The following ABTB3 variants were observed in gnomAD, a reference collection of about 807,000 sequenced individuals.
The protein encoded by ABTB3 is ankyrin repeat and BTB domain containing 3.
chr12:107,614,589 G>A, the ABTB3 span, among the ~76,000 whole-genome samples: 1 of 152,120 alleles, frequency 6.6e-6, no homozygotes, highest in South Asian at 2.1e-4. Flanking sequence ...ACCACCCTCT[G>A]CTAGGTAGAA....
At chr12:107,453,781 G>A in the ABTB3 span, among the ~76,000 whole-genome samples, 1 of 152,208 alleles carries the variant, frequency 6.6e-6, no homozygotes, top group Non-Finnish European at 1.5e-5. Context: ...AAGAAGGGAT[G>A]GTGGCCTGGA....
At chr12:107,368,333 G>C in the ABTB3 span, among the ~76,000 whole-genome samples, 1 of 152,192 alleles carries the variant, frequency 6.6e-6, no homozygotes, top group African/African-American at 2.4e-5. Context: ...CCCAGAAGTG[G>C]CCAAAACAAG....
At chr12:107,532,501 C>T in the ABTB3 span, among the ~76,000 whole-genome samples, 1 of 152,186 alleles carries the variant, frequency 6.6e-6, no homozygotes, top group African/African-American at 2.4e-5. Flanking sequence ...CCAAAGAACC[C>T]TACCCGACTA....
At chr12:107,432,182 C>T in the ABTB3 span, among the ~76,000 whole-genome samples, 1 of 152,170 alleles carries the variant, frequency 6.6e-6, no homozygotes, top group African/African-American at 2.4e-5. Context: ...TGTATGACCT[C>T]CCTCCACCCA....
At chr12:107,573,946 T>C in the ABTB3 span, among the ~76,000 whole-genome samples, 1 of 152,252 alleles carries the variant, frequency 6.6e-6, no homozygotes, top group African/African-American at 2.4e-5. Context: ...TAATGTGACC[T>C]AGCCAAGTAG....
At chr12:107,617,853 C>T in the ABTB3 span, 1 of 425,864 alleles carries the variant, frequency 2.3e-6, no homozygotes, top group Admixed American at 4.0e-5. Context: ...CCAAGCAGAG[C>T]ACATTCACTT....
chr12:107,520,079 G>A, the ABTB3 span, among the ~76,000 whole-genome samples: 6 of 152,062 alleles, frequency 3.9e-5, no homozygotes, highest in South Asian at 4.2e-4. Context: ...AGCAATTTTC[G>A]GCAGAGACTA....
chr12:107,572,529 G>C, the ABTB3 span, among the ~76,000 whole-genome samples: 6 of 152,122 alleles, frequency 3.9e-5, no homozygotes, highest in African/African-American at 1.4e-4. Context: ...TGAAGATGGG[G>C]AACTAGATGG....
the ABTB3 span, among the ~76,000 whole-genome samples, chr12:107,627,996 A>T: frequency 1.3e-5 from 2 of 152,182 alleles, no homozygotes; most frequent in East Asian, 1.9e-4. Flanking sequence ...TGAGTGCTGC[A>T]CTCAGGGCCT....
the ABTB3 span, chr12:107,319,844 A>G: frequency 8.2e-7 from 1 of 1,217,514 alleles, no homozygotes; most frequent in Non-Finnish European, 1.1e-6. Context: ...CGGCGCCTGC[A>G]GCGCAGCCAG....
chr12:107,416,335 G>A, the ABTB3 span, among the ~76,000 whole-genome samples: 7 of 152,098 alleles, frequency 4.6e-5, no homozygotes, highest in East Asian at 1.9e-4. Context: ...AACTGAACTC[G>A]AATTATTTCT....
the ABTB3 span, among the ~76,000 whole-genome samples, chr12:107,580,145 G>C: frequency 6.6e-6 from 1 of 152,174 alleles, no homozygotes; most frequent in South Asian, 2.1e-4. Flanking sequence ...CCAGCAGTCC[G>C]TATTTTAACA....
At chr12:107,500,666 C>G in the ABTB3 span, among the ~76,000 whole-genome samples, 5 of 152,324 alleles carry the variant, frequency 3.3e-5, no homozygotes, top group African/African-American at 1.2e-4. Context: ...GGTCTTCCAT[C>G]TCATGGCTGC....
chr12:107,480,756 T>C, the ABTB3 span, among the ~76,000 whole-genome samples: 1 of 152,078 alleles, frequency 6.6e-6, no homozygotes, highest in African/African-American at 2.4e-5. Flanking sequence ...GGATTGGTCA[T>C]GGGAGATGGC....
chr12:107,654,832 A>ACACACACG, the ABTB3 span, among the ~76,000 whole-genome samples: 5 of 147,358 alleles, frequency 3.4e-5, no homozygotes, highest in South Asian at 4.3e-4. Flanking sequence ...ACACACACAC[A>ACACACACG]CACACACACA....
the ABTB3 span, chr12:107,581,355 C>T: frequency 7.8e-7 from 1 of 1,273,966 alleles, no homozygotes; most frequent in Non-Finnish European, 9.9e-7. Flanking sequence ...GCTCCGGCCT[C>T]GCAGCCTCCA....
chr12:107,336,763 T>C, the ABTB3 span, among the ~76,000 whole-genome samples: 1 of 152,250 alleles, frequency 6.6e-6, no homozygotes, highest in African/African-American at 2.4e-5. Context: ...CACCATAGAA[T>C]GTAAACTTCA....
At chr12:107,387,656 G>A in the ABTB3 span, among the ~76,000 whole-genome samples, 1 of 152,188 alleles carries the variant, frequency 6.6e-6, no homozygotes, top group East Asian at 1.9e-4. Context: ...GTATCTTAAA[G>A]CAATTGCTCT....
At chr12:107,649,227 T>C in the ABTB3 span, 2 of 1,613,568 alleles carry the variant, frequency 1.2e-6, no homozygotes, top group Non-Finnish European at 1.7e-6. Flanking sequence ...GTATCTCTAC[T>C]ATGGTGGCCC....
Sources: allele counts gnomAD v4.1 joint callset (sites outside exome capture counted in the v4.1 genomes callset), GRCh38; gene constraint gnomAD v4.1.1; transcripts MANE v1.5; gene names NCBI Gene and HGNC (gene_info 2026-07-23, HGNC 2026-07-21).